The following NTNG1 variants were observed in gnomAD, a reference collection of about 807,000 sequenced individuals.
NTNG1 encodes the protein netrin G1, also known as netrin-G1.
In NTNG1, 16 loss-of-function variants were observed where a neutral mutation model predicts 54.0. The ratio of observed to expected loss-of-function variants is 0.30; its 90% CI spans 0.20 to 0.45. NTNG1 has a LOEUF of 0.45. Among genes scored for constraint, NTNG1 ranks in the 20% least tolerant of loss-of-function variants. NTNG1 has a pLI of 1.00. For missense variants in NTNG1, 530 were observed against 678.7 expected (o/e 0.78, Z 2.43); for synonymous variants, 255 against 263.1 (o/e 0.97, Z 0.30).
At chr1:107,360,361 G>A (rs988198031) in intron 3 of NTNG1, among the ~76,000 whole-genome samples, 11 of 152,092 alleles carry the variant, frequency 7.2e-5, no homozygotes, top group Admixed American at 5.9e-4. Flanking sequence ...GAAAGAGTGG[G>A]CCACGGAAAT....
intron 7 of NTNG1, among the ~76,000 whole-genome samples, chr1:107,450,654 C>T (rs917139979): frequency 5.3e-5 from 8 of 152,030 alleles, no homozygotes; most frequent in African/African-American, 1.9e-4. Flanking sequence ...GTTTCAAATA[C>T]TAATTACCAT....
At chr1:107,418,556 C>A in intron 5 of NTNG1, 1 of 1,541,010 alleles carries the variant, frequency 6.5e-7, no homozygotes, top group Non-Finnish European at 8.8e-7. Context: ...AATAACATAC[C>A]CTGATTTTTC....
chr1:107,216,146 C>T (rs1170951197), intron 2 of NTNG1, among the ~76,000 whole-genome samples: 2 of 152,252 alleles, frequency 1.3e-5, no homozygotes, highest in Admixed American at 1.3e-4. Flanking sequence ...ATTTCTTTCT[C>T]TTGTCCAGTT....
intron 2 of NTNG1, among the ~76,000 whole-genome samples, chr1:107,295,287 C>A (rs1024888299): frequency 6.6e-6 from 1 of 152,136 alleles, no homozygotes; most frequent in African/African-American, 2.4e-5. Context: ...ATTACCTATA[C>A]CTTTTTGCTC....
At chr1:107,479,247 G>T (rs1299001150) in intron 7 of NTNG1, among the ~76,000 whole-genome samples, 1 of 152,204 alleles carries the variant, frequency 6.6e-6, no homozygotes, top group Non-Finnish European at 1.5e-5. Context: ...TCTTTCCTAA[G>T]CTCATTGACA....
intron 6 of NTNG1, among the ~76,000 whole-genome samples, chr1:107,433,749 A>C (rs144081453): frequency 2.6e-5 from 4 of 152,322 alleles, no homozygotes; most frequent in African/African-American, 9.6e-5. Context: ...CAATTTCCTT[A>C]AAAAGCTGTA....
chr1:107,220,946 A>C (rs904251896), intron 2 of NTNG1, among the ~76,000 whole-genome samples: 4 of 151,926 alleles, frequency 2.6e-5, no homozygotes, highest in African/African-American at 9.7e-5. Context: ...TTTTTACTTA[A>C]TTAAACTTTT....
At chr1:107,237,117 A>C (rs1377717390) in intron 2 of NTNG1, among the ~76,000 whole-genome samples, 2 of 152,180 alleles carry the variant, frequency 1.3e-5, no homozygotes, top group Non-Finnish European at 2.9e-5. Context: ...AAATGCTGAT[A>C]GCGATATGGA....
At chr1:107,377,291 A>T (rs775811874) in intron 3 of NTNG1, among the ~76,000 whole-genome samples, 1 of 152,116 alleles carries the variant, frequency 6.6e-6, no homozygotes, top group Non-Finnish European at 1.5e-5. Context: ...GGAACGGAGG[A>T]TTATCTCAGT....
chr1:107,390,395 C>T (rs1320930468), intron 3 of NTNG1, among the ~76,000 whole-genome samples: 7 of 152,136 alleles, frequency 4.6e-5, no homozygotes, highest in Admixed American at 4.6e-4. Flanking sequence ...TTTTTCTCTC[C>T]CCTGAGCTGT....
Position 107,483,823 on chromosome 1 carries a change from A to C in NTNG1, c.*2983A>C, listed in dbSNP as rs17019206. 0.066 allele frequency among the ~76,000 whole-genome samples: 10,002 copies of C among 152,280 alleles called. 542 individuals carry two copies. The highest frequency in any genetic ancestry group is 0.14 in the African/African-American group (5,875 of 41,524). ...GGCATAACATTTCAAAAAATGGGAC[A>C]AAGGTTCAGCTATCTAGAAAGATTT... On this transcript the variant is annotated 3_prime_UTR_variant, in exon 8 of 8. Coordinates refer to ENST00000370068, the MANE Select transcript of NTNG1 (RefSeq NM_001113226.3).
intron 3 of NTNG1, among the ~76,000 whole-genome samples, chr1:107,363,868 T>C (rs1205859887): frequency 6.6e-6 from 1 of 152,212 alleles, no homozygotes; most frequent in Non-Finnish European, 1.5e-5. Context: ...TATGACATAA[T>C]TGCTACCTAT....
chr1:107,458,885 A>C (rs520896), intron 7 of NTNG1, among the ~76,000 whole-genome samples: 57,555 of 151,966 alleles, frequency 0.38, 11,128 homozygotes, highest in East Asian at 0.49. Flanking sequence ...TCAAATTGGA[A>C]ACATTGTTTT....
chr1:107,411,973 T>G (rs1161049766), intron 5 of NTNG1, among the ~76,000 whole-genome samples: 1 of 152,190 alleles, frequency 6.6e-6, no homozygotes, highest in Non-Finnish European at 1.5e-5. Context: ...TGAAATAATC[T>G]CCTACTTAAA....
chr1:107,263,212 G>C lies in NTNG1; in HGVS notation c.247-61070G>C, dbSNP rs934125126. Among the ~76,000 whole-genome samples the C allele has an allele frequency of 3.4e-4, 51 of 152,230 alleles. 1 individual carries two copies. The highest frequency in any genetic ancestry group is 1.5e-5 in the Non-Finnish European group (1 of 68,040). On this transcript the variant is annotated intron_variant, in intron 2 of 7. Coordinates refer to ENST00000370068, the MANE Select transcript of NTNG1 (RefSeq NM_001113226.3). ...CCCCACAGTTCTTCAGAGAAAGGAT[G>C]TGTGGGTGTGAGAGTGAGTGGGTGT...
intron 3 of NTNG1, among the ~76,000 whole-genome samples, chr1:107,373,123 T>C (rs1557942796): frequency 6.6e-6 from 1 of 152,170 alleles, no homozygotes; most frequent in Non-Finnish European, 1.5e-5. Context: ...TATCTTGCTA[T>C]TTATTTTCTA....
chr1:107,380,015 C>G (rs1205961022), intron 3 of NTNG1, among the ~76,000 whole-genome samples: 1 of 152,150 alleles, frequency 6.6e-6, no homozygotes, highest in Non-Finnish European at 1.5e-5. Flanking sequence ...TCACCTCTGG[C>G]CTGTTCAACT....
chr1:107,429,051 C>A (rs77848106), intron 5 of NTNG1, among the ~76,000 whole-genome samples: 43,134 of 151,900 alleles, frequency 0.28, 6,576 homozygotes, highest in East Asian at 0.47. Flanking sequence ...TCTTCCTGTC[C>A]TCACACTCAC....
intron 2 of NTNG1, among the ~76,000 whole-genome samples, chr1:107,209,956 CG>C (rs1659496123): frequency 6.6e-6 from 1 of 151,340 alleles, no homozygotes; most frequent in African/African-American, 2.4e-5. Flanking sequence ...TTCAGGATTT[CG>C]GTTCAGGATT....
Sources: allele counts gnomAD v4.1 joint callset (sites outside exome capture counted in the v4.1 genomes callset), GRCh38; gene constraint gnomAD v4.1.1; transcripts MANE v1.5; gene names NCBI Gene and HGNC (gene_info 2026-07-23, HGNC 2026-07-21).